The following NDST4 variants were observed in gnomAD, a reference collection of about 807,000 sequenced individuals.
The protein encoded by NDST4 is N-deacetylase and N-sulfotransferase 4.
Under a neutral mutation model 100.8 loss-of-function variants are expected in NDST4, and 63 were observed. The observed-to-expected ratio is 0.62, with a 90% CI of 0.51 to 0.77. NDST4 has a LOEUF of 0.77. Ranked by LOEUF, NDST4 falls within the 30% of genes least tolerant of loss-of-function variation. The probability of loss-of-function intolerance (pLI) is 0.00; values close to 1 mark genes in which losing one functional copy is unlikely to be tolerated. For synonymous variants in NDST4, 377 were observed against 361.8 expected (o/e 1.04, Z -0.48); for missense variants, 943 against 1,018.4 (o/e 0.93, Z 1.01).
chr4:114,864,338 AAAG>A (rs1723979211), intron 7 of NDST4, among the ~76,000 whole-genome samples: 1 of 152,242 alleles, frequency 6.6e-6, no homozygotes, highest in African/African-American at 2.4e-5. Flanking sequence ...CTGACGGTTT[AAAG>A]AAGAATGCTA....
At chr4:115,012,297 T>C (rs1727567142) in intron 2 of NDST4, among the ~76,000 whole-genome samples, 1 of 152,000 alleles carries the variant, frequency 6.6e-6, no homozygotes, top group African/African-American at 2.4e-5. Flanking sequence ...TTATCACTGA[T>C]ATATGGGAGC....
intron 3 of NDST4, among the ~76,000 whole-genome samples, chr4:114,975,890 CA>C (rs1726622415): frequency 6.6e-6 from 1 of 151,976 alleles, no homozygotes; most frequent in Non-Finnish European, 1.5e-5. Context: ...TTTACAAAAC[CA>C]TGTCTATTTT....
chr4:114,884,468 C>T (rs1724435840), intron 6 of NDST4, among the ~76,000 whole-genome samples: 1 of 152,130 alleles, frequency 6.6e-6, no homozygotes, highest in African/African-American at 2.4e-5. Context: ...AAGTAGGTTT[C>T]AATGTAGCAC....
At chr4:114,910,100 C>T (rs1465386481) in intron 6 of NDST4, among the ~76,000 whole-genome samples, 2 of 152,114 alleles carry the variant, frequency 1.3e-5, no homozygotes, top group African/African-American at 2.4e-5. Flanking sequence ...AAAAAAGATA[C>T]TATGAGACTT....
At chr4:115,047,739 GTTAA>G (rs1397221199) in intron 2 of NDST4, among the ~76,000 whole-genome samples, 7 of 152,022 alleles carry the variant, frequency 4.6e-5, no homozygotes, top group African/African-American at 1.7e-4. Context: ...AATTGAAGAA[GTTAA>G]TTGAGTCAAA....
chr4:115,045,279 T>A (rs1391528966), intron 2 of NDST4, among the ~76,000 whole-genome samples: 1 of 152,040 alleles, frequency 6.6e-6, no homozygotes, highest in East Asian at 1.9e-4. Context: ...ATCAAGCCAA[T>A]CTTTATATAG....
At chr4:115,103,993 C>G (rs913084704) in intron 1 of NDST4, among the ~76,000 whole-genome samples, 5 of 152,054 alleles carry the variant, frequency 3.3e-5, no homozygotes, top group Admixed American at 6.6e-5. Context: ...ACTTATGGAT[C>G]CTTTAAAAGA....
intron 2 of NDST4, among the ~76,000 whole-genome samples, chr4:114,992,893 A>G (rs568011674): frequency 6.6e-6 from 1 of 151,870 alleles, no homozygotes; most frequent in Non-Finnish European, 1.5e-5. Context: ...TATAGGTGGC[A>G]TCAACTACTC....
At chr4:115,063,415 T>C (rs1343048689) in intron 2 of NDST4, among the ~76,000 whole-genome samples, 2 of 151,994 alleles carry the variant, frequency 1.3e-5, no homozygotes, top group Non-Finnish European at 2.9e-5. Context: ...AAATATATTC[T>C]AGCTTGCTCA....
At chr4:114,918,398 G>C (rs978830838) in intron 6 of NDST4, among the ~76,000 whole-genome samples, 1 of 110,814 alleles carries the variant, frequency 9.0e-6, no homozygotes, top group African/African-American at 3.4e-5. Flanking sequence ...GTTGTGGGGT[G>C]GGGGGAGGGG....
chr4:114,940,729 C>T (rs1530271), intron 4 of NDST4, among the ~76,000 whole-genome samples: 1 of 152,006 alleles, frequency 6.6e-6, no homozygotes, highest in African/African-American at 2.4e-5. Context: ...GAGTCAGGTC[C>T]TATGAAGGAA....
At chr4:115,097,435 T>C (rs1729641252) in intron 1 of NDST4, among the ~76,000 whole-genome samples, 2 of 152,138 alleles carry the variant, frequency 1.3e-5, no homozygotes, top group South Asian at 4.1e-4. Context: ...TCTTTCTCTC[T>C]ATCTCTATTG....
intron 2 of NDST4, among the ~76,000 whole-genome samples, chr4:114,997,488 A>AT (rs374123520): frequency 1.3e-5 from 2 of 151,436 alleles, no homozygotes; most frequent in African/African-American, 2.4e-5. Flanking sequence ...TTGGTGATTA[A>AT]TTTTTTTTTC....
chr4:115,033,365 C>A (rs1434052063), intron 2 of NDST4, among the ~76,000 whole-genome samples: 2 of 151,418 alleles, frequency 1.3e-5, no homozygotes, highest in African/African-American at 4.8e-5. Flanking sequence ...ATCTGCCCAC[C>A]TCCACCTCTC....
rs1224109086 is a variant in NDST4 at position 114,971,819 on chromosome 4, G to T, written c.1067-1235C>A. On this transcript the variant is annotated intron_variant, in intron 3 of 13. Transcript: ENST00000264363. ...ATGAAAGGATTAAAGCATGTATTTG[G>T]TGTCACTCAGTACTTGGAGCAGAGT... Among the ~76,000 whole-genome samples the T allele has an allele frequency of 4.6e-5, 7 of 152,076 alleles. No individual in the cohort carries two copies. The East Asian group carries it at 1.4e-3, about 29-fold the overall frequency.
intron 4 of NDST4, among the ~76,000 whole-genome samples, chr4:114,964,610 G>C (rs1726339289): frequency 6.6e-6 from 1 of 152,048 alleles, no homozygotes; most frequent in African/African-American, 2.4e-5. Flanking sequence ...ATTGTGGTAA[G>C]AACAATTAAC....
chr4:114,829,638 T>C (rs903580871), intron 13 of NDST4, 152 bp downstream of exon 13: 4 of 532,798 alleles, frequency 7.5e-6, no homozygotes, highest in African/African-American at 1.9e-5. Context: ...ATCATTTCTA[T>C]GTGTCAATTA....
At chr4:114,970,103 T>C (rs1726476247) in intron 4 of NDST4, among the ~76,000 whole-genome samples, 1 of 150,536 alleles carries the variant, frequency 6.6e-6, no homozygotes, top group Non-Finnish European at 1.5e-5. Flanking sequence ...TGGTTAATTA[T>C]ATTGCACCAA....
At position 115,047,479 on chromosome 4, in the gene NDST4, T is replaced by C. The variant is rs1308933623; in HGVS notation, c.978+28580A>G. Among the ~76,000 whole-genome samples, 4 of 152,120 alleles carry C rather than the reference T, an allele frequency of 2.6e-5. 1 individual carries two copies. The highest frequency in any genetic ancestry group is 5.9e-5 in the Non-Finnish European group (4 of 67,980). On this transcript the variant is annotated intron_variant, in intron 2 of 13. Coordinates refer to ENST00000264363, the MANE Select transcript of NDST4 (RefSeq NM_022569.3). ...TACAAAGTAAGTAATGAAAATAGCA[T>C]ATATATTTATCTTTTTATAACTTAT... is the stretch of plus-strand genomic sequence containing the variant.
Sources: allele counts gnomAD v4.1 joint callset (sites outside exome capture counted in the v4.1 genomes callset), GRCh38; gene constraint gnomAD v4.1.1; transcripts MANE v1.5; gene names NCBI Gene and HGNC (gene_info 2026-07-23, HGNC 2026-07-21).